The following KSR1 variants were observed in gnomAD, a reference collection of about 807,000 sequenced individuals.
KSR1 encodes the protein kinase suppressor of ras 1, also known as kinase suppressor of ras.
Under a neutral mutation model 92.9 loss-of-function variants are expected in KSR1, and 35 were observed. The observed-to-expected ratio is 0.38, with a 90% CI of 0.29 to 0.50. The LOEUF (loss-of-function observed/expected upper bound fraction) is 0.50, where lower values mean the gene tolerates loss of function less well. Ranked by LOEUF, KSR1 falls within the 20% of genes least tolerant of loss-of-function variation. The pLI, the probability that KSR1 is intolerant of heterozygous loss-of-function variation, is 0.94. For missense variants in KSR1, 972 were observed against 1,158.5 expected, an observed-to-expected ratio of 0.84 and a Z score of 2.34; for synonymous variants, 467 against 472.6, an observed-to-expected ratio of 0.99 and a Z score of 0.15.
chr17:27,615,350 A>T (rs9898167), intron 18 of KSR1, among the ~76,000 whole-genome samples: 3 of 152,198 alleles, frequency 2.0e-5, no homozygotes, highest in Non-Finnish European at 4.4e-5. Flanking sequence ...CACTGGTCAG[A>T]TGATTCACTG....
intron 18 of KSR1, among the ~76,000 whole-genome samples, chr17:27,612,299 A>G (rs1240014496): frequency 1.3e-5 from 2 of 152,244 alleles, no homozygotes; most frequent in Non-Finnish European, 2.9e-5. Flanking sequence ...GAAGAGGATT[A>G]CACAATTATT....
rs898004429 is a variant in KSR1 at position 27,572,006 on chromosome 17, C to T, written c.373-5486C>T. ...GCTTACCCAGCATGGCCTGTGACGCCAGCCTCTGCCAGCTGCTGGGGGAGG... is the reference window on the plus strand; with the variant it reads ...GCTTACCCAGCATGGCCTGTGACGCTAGCCTCTGCCAGCTGCTGGGGGAGG... On this transcript the variant is annotated intron_variant, in intron 2 of 20. Coordinates refer to ENST00000644974, the MANE Select transcript of KSR1 (RefSeq NM_001394583.1). Among the ~76,000 whole-genome samples, 10 of 152,314 alleles carry T rather than the reference C, an allele frequency of 6.6e-5. No individual in the cohort carries two copies. In the East Asian group the frequency reaches 1.9e-3, roughly 29 times the overall value.
intron 9 of KSR1, among the ~76,000 whole-genome samples, chr17:27,596,410 A>G (rs1331943311): frequency 1.3e-5 from 2 of 152,200 alleles, no homozygotes; most frequent in Non-Finnish European, 2.9e-5. Flanking sequence ...CTAGGCACCA[A>G]ACGTGTTTCC....
In KSR1 at chr17:27,543,191, G is replaced by A. The variant is rs538502124; in HGVS notation, c.232-7377G>A. On this transcript the variant is annotated intron_variant, in intron 1 of 20. Transcript: ENST00000644974. ...CTGGTGCTAAATGGTCTTGCTTTTA[G>A]AGGCAAGGCAGCTATTGCTCCAGCT... Among the ~76,000 whole-genome samples the A allele has an allele frequency of 5.9e-5, 9 of 152,376 alleles. No individual in the cohort carries two copies. In the East Asian group the frequency reaches 1.7e-3, roughly 29 times the overall value.
chr17:27,590,997 A>G (rs1037072594), intron 7 of KSR1, 103 bp downstream of exon 7: 2 of 985,280 alleles, frequency 2.0e-6, no homozygotes, highest in Admixed American at 2.0e-5. Context: ...TCAGCACACC[A>G]GGGAGTGATC....
At chr17:27,555,511 C>CGTGT (rs71359222) in intron 2 of KSR1, among the ~76,000 whole-genome samples, 16,457 of 150,116 alleles carry the variant, frequency 0.11, 925 homozygotes, top group South Asian at 0.17. Flanking sequence ...TTTTGTTTGG[C>CGTGT]GTGTGTGTGT....
chr17:27,497,695 A>G (rs1227828934), intron 1 of KSR1, among the ~76,000 whole-genome samples: 1 of 152,204 alleles, frequency 6.6e-6, no homozygotes, highest in Non-Finnish European at 1.5e-5. Flanking sequence ...TTCTTTTTTA[A>G]AAAGTGAGTA....
intron 1 of KSR1, among the ~76,000 whole-genome samples, chr17:27,473,474 T>A (rs1351217967): frequency 6.6e-6 from 1 of 151,592 alleles, no homozygotes; most frequent in Non-Finnish European, 1.5e-5. Flanking sequence ...AAGCAAGAGG[T>A]GGGGGCTTCT....
chr17:27,580,784 A>C (rs774609377), intron 3 of KSR1, among the ~76,000 whole-genome samples: 5 of 151,848 alleles, frequency 3.3e-5, no homozygotes, highest in Non-Finnish European at 7.4e-5. Context: ...CTGAAACTGG[A>C]TTGGTTATTT....
At chr17:27,483,693 C>T (rs2068582399) in intron 1 of KSR1, 1 of 152,018 alleles carries the variant, frequency 6.6e-6, no homozygotes, top group Admixed American at 6.6e-5. Context: ...GATGAAACTC[C>T]TTGAGGGGAC....
intron 2 of KSR1, chr17:27,566,450 C>T: frequency 2.5e-6 from 1 of 399,196 alleles, no homozygotes. Flanking sequence ...GCTCAGGCCC[C>T]CTTGTCATGA....
chr17:27,500,397 G>T (rs1342341286), intron 1 of KSR1, among the ~76,000 whole-genome samples: 1 of 152,128 alleles, frequency 6.6e-6, no homozygotes, highest in African/African-American at 2.4e-5. Context: ...AGGTTTGATG[G>T]TATGAAAAGA....
chr17:27,623,621 A>G lies in KSR1; in HGVS notation c.*229A>G, dbSNP rs550321997. On this transcript the variant is annotated 3_prime_UTR_variant, in exon 21 of 21. Coordinates refer to ENST00000644974, the MANE Select transcript of KSR1 (RefSeq NM_001394583.1). ...CCAAACCTGTCATGACAGACAGCAA[A>G]TGTTTACACGTATATTTCTCCTGAG... 8.7e-5 allele frequency: 54 copies of G among 617,272 alleles called. 1 individual carries two copies. In the South Asian group the frequency reaches 9.8e-4, roughly 11 times the overall value. 38.2% of individuals were successfully genotyped at this position (617,272 alleles called of 1,614,324 possible).
chr17:27,501,496 A>G (rs1233701461), intron 1 of KSR1, among the ~76,000 whole-genome samples: 2 of 151,736 alleles, frequency 1.3e-5, no homozygotes, highest in African/African-American at 4.8e-5. Flanking sequence ...AGCCTCTCCC[A>G]TCACAGGCCT....
In KSR1 at chr17:27,598,252, G is replaced by A. The variant is rs576479941; in HGVS notation, c.1468+816G>A. Among the ~76,000 whole-genome samples, 6 of 152,316 alleles carry A rather than the reference G, an allele frequency of 3.9e-5. No individual in the cohort carries two copies. The South Asian group carries it at 1.2e-3, about 32-fold the overall frequency. Reference sequence around the variant, plus strand: ...TTCGCAGTCCCAGAGGAAGGAAGGTGACTGTGACACTCCTGTTTGCTCTGG... The same window carrying A: ...TTCGCAGTCCCAGAGGAAGGAAGGTAACTGTGACACTCCTGTTTGCTCTGG... On this transcript the variant is annotated intron_variant, in intron 10 of 20. Transcript: ENST00000644974.
At chr17:27,525,991 ACTTTT>A (rs138403263) in intron 1 of KSR1, among the ~76,000 whole-genome samples, 7,131 of 69,770 alleles carry the variant, frequency 0.1, 502 homozygotes, top group Non-Finnish European at 0.14. Context: ...ACTGCAACTA[ACTTTT>A]CTTTTCTTTT....
chr17:27,477,888 T>A (rs2068393102), intron 1 of KSR1, among the ~76,000 whole-genome samples: 1 of 152,120 alleles, frequency 6.6e-6, no homozygotes, highest in African/African-American at 2.4e-5. Context: ...AATTCTTTTA[T>A]TTTTTGTAAA....
rs73983664 is a variant in KSR1 at position 27,601,315 on chromosome 17, G to A, written c.1469-45G>A. ...CTGCAATTCCGCTCCTCCCTCCTGC[G>A]TTGGCCGTTCTGTGTGTGTGACTCA... is the stretch of plus-strand genomic sequence containing the variant. On this transcript the variant is annotated intron_variant, in intron 10 of 20. Transcript: ENST00000644974. 6.7e-4 allele frequency: 1,045 copies of A among 1,564,832 alleles called. 8 individuals are homozygous for A. The African/African-American group carries it at 0.012, about 18-fold the overall frequency.
chr17:27,470,240 GTTTTTTT>G (rs546302787), intron 1 of KSR1, among the ~76,000 whole-genome samples: 1 of 114,390 alleles, frequency 8.7e-6, no homozygotes, highest in Admixed American at 8.9e-5. Flanking sequence ...TTTTGTTTGT[GTTTTTTT>G]TTTTTTTTTT....
Sources: allele counts gnomAD v4.1 joint callset (sites outside exome capture counted in the v4.1 genomes callset), GRCh38; gene constraint gnomAD v4.1.1; transcripts MANE v1.5; gene names NCBI Gene and HGNC (gene_info 2026-07-23, HGNC 2026-07-21).